Variants in CCDC57 observed in about 807,000 individuals in gnomAD.
The protein encoded by CCDC57 is coiled-coil domain-containing protein 57.
A neutral mutation model predicts 118.9 loss-of-function variants in CCDC57; 118 were observed. That is an observed-to-expected ratio of 0.99 (90% CI 0.86 to 1.16). The LOEUF is 1.16. Ranked by LOEUF, CCDC57 falls within the 50% of genes most tolerant of loss-of-function variation. The probability of loss-of-function intolerance (pLI) is 0.00; values close to 1 mark genes in which losing one functional copy is unlikely to be tolerated. For missense variants in CCDC57, 1,300 were observed against 1,320.7 expected (o/e 0.98, Z 0.24); for synonymous variants, 527 against 532.9 (o/e 0.99, Z 0.15).
intron 16 of CCDC57, among the ~76,000 whole-genome samples, chr17:82,147,718 TGGGTGGA>T: frequency 8.2e-6 from 1 of 122,696 alleles, no homozygotes; most frequent in African/African-American, 3.1e-5. Flanking sequence ...GATAGATAGG[TGGGTGGA>T]TGGATGGGTG....
At chr17:82,191,901 G>A (rs1490057632) in intron 7 of CCDC57, among the ~76,000 whole-genome samples, 1 of 151,838 alleles carries the variant, frequency 6.6e-6, no homozygotes, top group Non-Finnish European at 1.5e-5. Flanking sequence ...CTCCAGAGCT[G>A]AAGCAATCCA....
chr17:82,194,399 C>G (rs369184948), intron 5 of CCDC57: 3 of 342,552 alleles, frequency 8.8e-6, no homozygotes, highest in African/African-American at 6.4e-5. Flanking sequence ...CAACCTCCCC[C>G]TCCTGGGTTC....
chr17:82,188,509 G>C lies in CCDC57; in HGVS notation c.852-90C>G, dbSNP rs765493094. The C allele has an allele frequency of 7.1e-6, 9 of 1,274,102 alleles. No homozygotes were observed. In the East Asian group the frequency reaches 7.7e-5, roughly 11 times the overall value. The allele number at this position is 1,274,102 out of a possible 1,614,324, so 78.9% of individuals were successfully genotyped here. On this transcript the variant is annotated intron_variant, in intron 7 of 19. Transcript: ENST00000665763. Reference sequence around the variant, plus strand: ...TTGGAGGCGTTCATTGCCCTGTCTCGTGCACAGGTGCTGCTGTATGTCTGC... The same window carrying C: ...TTGGAGGCGTTCATTGCCCTGTCTCCTGCACAGGTGCTGCTGTATGTCTGC...
At chr17:82,135,088 A>G (rs2038958734) in intron 16 of CCDC57, 1 of 146,698 alleles carries the variant, frequency 6.8e-6, no homozygotes, top group African/African-American at 2.5e-5. Flanking sequence ...CATTTCACAT[A>G]TTGGAAATTG....
At chr17:82,187,705 T>C (rs933844524) in intron 8 of CCDC57, among the ~76,000 whole-genome samples, 1 of 48,222 alleles carries the variant, frequency 2.1e-5, no homozygotes, top group Non-Finnish European at 3.8e-5. Flanking sequence ...CTGGCGGGGG[T>C]CGGGGGGAGC....
chr17:82,202,277 G>GCCCCGAT (rs1333769747), intron 2 of CCDC57, among the ~76,000 whole-genome samples: 2 of 152,172 alleles, frequency 1.3e-5, no homozygotes, highest in African/African-American at 4.8e-5. Context: ...GACCAGCCTG[G>GCCCCGAT]CTAACATGGT....
intron 16 of CCDC57, among the ~76,000 whole-genome samples, chr17:82,150,432 TAGAACCAGGCACACACCC>T (rs2041797287): frequency 7.0e-5 from 1 of 14,354 alleles, no homozygotes; most frequent in Non-Finnish European, 1.4e-4. Flanking sequence ...GACCCGCACC[TAGAACCAGGCACACACCC>T]AGAACCAGGC....
intron 5 of CCDC57, 157 bp from the exon 5 acceptor site, chr17:82,194,296 C>G (rs931298724): frequency 4.2e-6 from 3 of 715,572 alleles, no homozygotes; most frequent in East Asian, 2.8e-5. Flanking sequence ...ACAACTCAAA[C>G]GAGACTCAAT....
chr17:82,206,386 GA>G (rs2049646556), intron 2 of CCDC57, among the ~76,000 whole-genome samples: 1 of 152,224 alleles, frequency 6.6e-6, no homozygotes, highest in South Asian at 2.1e-4. Context: ...CAGGCCTCAG[GA>G]AACAGAATCC....
chr17:82,108,979 A>G (rs150760372), intron 19 of CCDC57: 1 of 152,396 alleles, frequency 6.6e-6, no homozygotes, highest in African/African-American at 2.4e-5. Flanking sequence ...ATGAAGACAG[A>G]ATATGGATAA....
intron 8 of CCDC57, 82 bp downstream of exon 7, chr17:82,188,137 G>A: frequency 8.0e-7 from 1 of 1,250,778 alleles, no homozygotes; most frequent in South Asian, 1.6e-5. Context: ...CTTTCCTGTG[G>A]TCTGGCACCA....
At chr17:82,151,683 A>G in exon 16 of CCDC57, 1 of 1,550,386 alleles carries the variant, frequency 6.5e-7, no homozygotes. Flanking sequence ...CGGTGCATAG[A>G]TAAGGTCTGG....
chr17:82,174,082 C>G (rs2045140313), intron 11 of CCDC57, among the ~76,000 whole-genome samples: 1 of 152,232 alleles, frequency 6.6e-6, no homozygotes, highest in Non-Finnish European at 1.5e-5. Flanking sequence ...TGAGTCCAGC[C>G]AAGATGTGTG....
At position 82,157,813 on chromosome 17, in the gene CCDC57, C is replaced by G. The variant is rs757778067; in HGVS notation, c.2176G>C (p.Gly726Arg). 4.0e-5 allele frequency: 64 copies of G among 1,604,906 alleles called. No homozygotes were observed. The highest frequency in any genetic ancestry group is 5.0e-5 in the Non-Finnish European group (59 of 1,176,934). Reference sequence around the variant, plus strand: ...TTCCTGCCTGAAGGCTCCGCTCCCCCGTGCTGGGCTATCCTGAGATGCTTC... The same window carrying G: ...TTCCTGCCTGAAGGCTCCGCTCCCCGGTGCTGGGCTATCCTGAGATGCTTC... Residue 726 changes from glycine (G) to arginine (R), a missense_variant, in exon 15 of 20, where the codon GGG becomes CGG. Transcript: ENST00000665763.
In CCDC57 at chr17:82,171,513, C is replaced by T. The variant is rs558159260; in HGVS notation, c.1882+188G>A. Among the ~76,000 whole-genome samples, 741 of 148,424 alleles carry T rather than the reference C, an allele frequency of 5.0e-3. 6 individuals are homozygous for T. Among genetic ancestry groups the T allele is most frequent in the African/African-American group, 0.018 (717 of 39,770 alleles). On this transcript the variant is annotated intron_variant, in intron 13 of 19. Coordinates refer to ENST00000665763, the Ensembl canonical transcript of CCDC57. ...ATTCCATTCACACCAAAACAGGGAA[C>T]GCTGACTGCAGTGAGGAGCCAGGGC... is the stretch of plus-strand genomic sequence containing the variant.
chr17:82,142,858 C>T (rs967092701), intron 16 of CCDC57, among the ~76,000 whole-genome samples: 4 of 152,156 alleles, frequency 2.6e-5, no homozygotes, highest in East Asian at 1.9e-4. Context: ...ACAAGTAGCT[C>T]GTGAAATAGA....
chr17:82,163,609 G>A (rs1425040475), intron 13 of CCDC57, among the ~76,000 whole-genome samples: 3 of 152,066 alleles, frequency 2.0e-5, no homozygotes, highest in East Asian at 3.8e-4. Flanking sequence ...ACCTTACCAC[G>A]TAATGTCTGA....
chr17:82,194,794 A>C (rs2048102628), intron 5 of CCDC57, among the ~76,000 whole-genome samples: 1 of 152,256 alleles, frequency 6.6e-6, no homozygotes, highest in South Asian at 2.1e-4. Flanking sequence ...AGTGCTGAGC[A>C]AGCCACTCGC....
At chr17:82,125,207 G>A (rs1323136178) in intron 19 of CCDC57, among the ~76,000 whole-genome samples, 2 of 152,066 alleles carry the variant, frequency 1.3e-5, no homozygotes, top group Non-Finnish European at 2.9e-5. Flanking sequence ...GGGAGGGGCT[G>A]GGGGAACCAG....
Sources: allele counts gnomAD v4.1 joint callset (sites outside exome capture counted in the v4.1 genomes callset), GRCh38; gene constraint gnomAD v4.1.1; transcripts MANE v1.5; gene names NCBI Gene and HGNC (gene_info 2026-07-23, HGNC 2026-07-21).